CHCHD6: variants seen among roughly 807,000 people sequenced by gnomAD.
CHCHD6 encodes the protein MICOS complex subunit MIC25.
In CHCHD6, 28 loss-of-function variants were observed where a neutral mutation model predicts 32.3. The ratio of observed to expected loss-of-function variants is 0.87; its 90% CI spans 0.64 to 1.19. CHCHD6 has a LOEUF of 1.19. Ranked by LOEUF, CHCHD6 falls within the 50% of genes most tolerant of loss-of-function variation. CHCHD6 has a pLI of 0.00. For missense variants in CHCHD6, 333 were observed against 307.0 expected (o/e 1.08, Z -0.63); for synonymous variants, 122 against 117.5 (o/e 1.04, Z -0.25).
intron 7 of CHCHD6, 183 bp downstream of exon 7, chr3:126,957,734 C>A: frequency 1.3e-6 from 1 of 741,988 alleles, no homozygotes; most frequent in Non-Finnish European, 2.3e-6. Flanking sequence ...ACTCTCCTGG[C>A]TGCTTCCAGG....
intron 4 of CHCHD6, among the ~76,000 whole-genome samples, chr3:126,817,896 G>T (rs918584403): frequency 6.6e-6 from 1 of 152,056 alleles, no homozygotes; most frequent in East Asian, 1.9e-4. Flanking sequence ...TCTGGGTTAG[G>T]CTACATACCA....
chr3:126,847,608 A>T (rs577309156), intron 4 of CHCHD6, among the ~76,000 whole-genome samples: 12 of 152,334 alleles, frequency 7.9e-5, no homozygotes, highest in African/African-American at 2.9e-4. Context: ...CCACAGGGGC[A>T]TGAGGCCTAG....
At chr3:126,925,884 A>T (rs1254338286) in intron 6 of CHCHD6, among the ~76,000 whole-genome samples, 2 of 152,238 alleles carry the variant, frequency 1.3e-5, no homozygotes, top group Non-Finnish European at 2.9e-5. Context: ...GGATTAAATG[A>T]TGGTGATCTA....
chr3:126,719,466 A>G (rs1397698799), intron 1 of CHCHD6, among the ~76,000 whole-genome samples: 1 of 152,066 alleles, frequency 6.6e-6, no homozygotes, highest in African/African-American at 2.4e-5. Flanking sequence ...AGTGCACCCC[A>G]TTGGTTCTTC....
In CHCHD6 at chr3:126,829,021, G is replaced by T. The variant is rs189714456; in HGVS notation, c.412-23626G>T. Among the ~76,000 whole-genome samples, 3 of 152,166 alleles carry T rather than the reference G, an allele frequency of 2.0e-5. No individual in the cohort carries two copies. The East Asian group carries it at 5.8e-4, about 29-fold the overall frequency. On this transcript the variant is annotated intron_variant, in intron 4 of 7. Transcript: ENST00000290913. Reference sequence around the variant, plus strand: ...ACTTCTTTTCTTCTGCTTACTTCGGGTTTAATTAGCTGGGGTTATTTCCTA... The same window carrying T: ...ACTTCTTTTCTTCTGCTTACTTCGGTTTTAATTAGCTGGGGTTATTTCCTA...
At chr3:126,892,204 C>T (rs1461364680) in intron 5 of CHCHD6, among the ~76,000 whole-genome samples, 1 of 152,184 alleles carries the variant, frequency 6.6e-6, no homozygotes, top group Admixed American at 6.5e-5. Flanking sequence ...TGGGCGGGCT[C>T]AGCTCCAACA....
intron 1 of CHCHD6, among the ~76,000 whole-genome samples, chr3:126,705,169 G>A (rs1429497519): frequency 6.6e-6 from 1 of 152,152 alleles, no homozygotes; most frequent in African/African-American, 2.4e-5. Flanking sequence ...GATATCACCA[G>A]AGAATCCTTC....
intron 2 of CHCHD6, among the ~76,000 whole-genome samples, chr3:126,729,406 G>C (rs1331855576): frequency 6.6e-6 from 1 of 152,232 alleles, no homozygotes; most frequent in African/African-American, 2.4e-5. Flanking sequence ...GGGGCACACA[G>C]AAAGGGCAGT....
intron 3 of CHCHD6, 23 bp downstream of exon 3, chr3:126,730,653 T>G: frequency 6.2e-7 from 1 of 1,606,328 alleles, no homozygotes; most frequent in Non-Finnish European, 8.5e-7. Context: ...GCCTGCTTGC[T>G]CCCGGCACTG....
chr3:126,927,368 T>G (rs2078339731), intron 6 of CHCHD6, among the ~76,000 whole-genome samples: 1 of 152,172 alleles, frequency 6.6e-6, no homozygotes, highest in African/African-American at 2.4e-5. Context: ...GGAAGCTGTC[T>G]GGGGGGTGGT....
chr3:126,872,473 T>C (rs1204978324), intron 5 of CHCHD6, among the ~76,000 whole-genome samples: 2 of 152,190 alleles, frequency 1.3e-5, no homozygotes, highest in East Asian at 1.9e-4. Flanking sequence ...CGCAGAGTCC[T>C]AGTCTAGGCT....
chr3:126,829,643 G>A (rs78474925), intron 4 of CHCHD6, among the ~76,000 whole-genome samples: 2,738 of 151,934 alleles, frequency 0.018, 31 homozygotes, highest in Middle Eastern at 0.051. Flanking sequence ...TATCTTTATA[G>A]GAATTAGAAA....
At chr3:126,856,625 G>A (rs1230285326) in intron 5 of CHCHD6, among the ~76,000 whole-genome samples, 2 of 152,208 alleles carry the variant, frequency 1.3e-5, no homozygotes, top group African/African-American at 2.4e-5. Context: ...ACCATGCCTG[G>A]ATTCAGGTAT....
chr3:126,932,528 C>G (rs550864427), intron 6 of CHCHD6, among the ~76,000 whole-genome samples: 66 of 152,332 alleles, frequency 4.3e-4, no homozygotes, highest in African/African-American at 1.4e-3. Flanking sequence ...GGCCTTCCCC[C>G]ACCCCGCTTC....
At chr3:126,712,276 A>AT (rs973129006) in intron 1 of CHCHD6, among the ~76,000 whole-genome samples, 16 of 152,212 alleles carry the variant, frequency 1.1e-4, no homozygotes, top group African/African-American at 3.6e-4. Context: ...TATCCTTTAA[A>AT]TTTTATCATA....
At chr3:126,947,035 C>T (rs935823049) in intron 6 of CHCHD6, among the ~76,000 whole-genome samples, 1 of 152,234 alleles carries the variant, frequency 6.6e-6, no homozygotes, top group African/African-American at 2.4e-5. Flanking sequence ...TGTGAGCAGG[C>T]GCTGGGCGCG....
chr3:126,725,433 C>G (rs556865717), intron 1 of CHCHD6, among the ~76,000 whole-genome samples: 1 of 152,186 alleles, frequency 6.6e-6, no homozygotes. Context: ...GTTCTGTCAT[C>G]TAGACTCTGT....
At chr3:126,762,398 A>G (rs1261189173) in intron 4 of CHCHD6, among the ~76,000 whole-genome samples, 2 of 152,076 alleles carry the variant, frequency 1.3e-5, no homozygotes, top group Non-Finnish European at 1.5e-5. Flanking sequence ...CTTCTTTGAT[A>G]AATTGGTTGT....
intron 2 of CHCHD6, 149 bp downstream of exon 2, chr3:126,727,335 A>G (rs1011602871): frequency 1.1e-5 from 5 of 471,408 alleles, no homozygotes; most frequent in Non-Finnish European, 1.5e-5. Context: ...TTTCCGGAAG[A>G]GCATGGCTTT....
Sources: gnomAD v4.1 joint callset for allele counts (sites outside exome capture counted in the v4.1 genomes callset) on GRCh38, gnomAD v4.1.1 for gene constraint, MANE v1.5 for transcripts, NCBI Gene and HGNC (gene_info 2026-07-23, HGNC 2026-07-21) for gene names.